The following TTC16 variants were observed in gnomAD, a reference collection of about 807,000 sequenced individuals.
The protein encoded by TTC16 is tetratricopeptide repeat protein 16.
TTC16 carries 66 observed loss-of-function variants against 80.4 expected under a neutral mutation model. That is an observed-to-expected ratio of 0.82 (90% CI 0.67 to 1.01). The LOEUF is 1.01. Ranked by LOEUF, TTC16 falls within the 50% of genes least tolerant of loss-of-function variation. TTC16 has a pLI of 0.00. For missense variants in TTC16, 1,070 were observed against 1,103.2 expected (o/e 0.97, Z 0.43); for synonymous variants, 438 against 451.3 (o/e 0.97, Z 0.37).
At position 127,731,105 on chromosome 9, in the gene TTC16, G is replaced by A. The variant is rs1844382180; in HGVS notation, c.2322G>A (p.Lys774=). 1.2e-6 allele frequency: 2 copies of A among 1,611,690 alleles called. No homozygotes were observed. The highest frequency in any genetic ancestry group is 2.7e-5 in the African/African-American group (2 of 74,882). ...TTRSPRQRPR[K]VKAARGRSWR... ...GGAGCCCAAGGCAGAGGCCCAGAAAGGTCAAGGCTGCTCGTGGCCGGAGCT... is the reference window on the plus strand; with the variant it reads ...GGAGCCCAAGGCAGAGGCCCAGAAAAGTCAAGGCTGCTCGTGGCCGGAGCT... Residue 774 remains lysine, a synonymous_variant, in exon 14 of 14, where the codon AAG becomes AAA. Transcript: ENST00000373289.
intron 10 of TTC16, among the ~76,000 whole-genome samples, chr9:127,726,660 C>T (rs375944225): frequency 6.6e-6 from 1 of 152,098 alleles, no homozygotes; most frequent in African/African-American, 2.4e-5. Context: ...TGGTGGTGCA[C>T]GGTTATAATT....
chr9:127,726,785 C>T (rs1001210299), intron 10 of TTC16, among the ~76,000 whole-genome samples, 185 bp from the exon 11 acceptor site: 2 of 98,336 alleles, frequency 2.0e-5, no homozygotes, highest in Admixed American at 1.3e-4. Context: ...GAGACTCTGT[C>T]TCAAAAAAAA....
Position 127,720,080 on chromosome 9 carries a change from A to T in TTC16, c.429A>T (p.Gly143=), listed in dbSNP as rs753882292. The change falls in exon 5 of 14, where the codon GGA becomes GGT. Residue 143 remains glycine (G), a splice_region_variant and synonymous_variant. Transcript: ENST00000373289. Reference sequence around the variant, plus strand: ...TTGACTGTCCCCTGTGTCCCCAGGGACAATGCCTTTTTGAGCAGTGTGCCT... The same window carrying T: ...TTGACTGTCCCCTGTGTCCCCAGGGTCAATGCCTTTTTGAGCAGTGTGCCT... ...ERLTFVLYLQ[G]QCLFEQCAFL... is the part of the protein sequence containing the mutation. The T allele has an allele frequency of 6.2e-7, 1 of 1,613,740 alleles. No homozygotes were observed. The highest frequency in any genetic ancestry group is 1.1e-5 in the South Asian group (1 of 91,080).
rs1032569594 is a variant in TTC16, at chr9:127,724,535, A to T, written c.1117+171A>T. The T allele has an allele frequency of 3.5e-6, 4 of 1,134,498 alleles. No individual in the cohort carries two copies. In the African/African-American group the frequency reaches 4.7e-5, roughly 13 times the overall value. 70.3% of individuals were successfully genotyped at this position (1,134,498 alleles called of 1,614,324 possible). On this transcript the variant is annotated intron_variant, in intron 8 of 13. Coordinates refer to ENST00000373289, the MANE Select transcript of TTC16 (RefSeq NM_144965.3). ...GTATCCCAGGAACACACTTTGGGAA[A>T]TGTTGCCTTAGACAAACTGGCTCCA...
Position 127,726,834 on chromosome 9 carries a change from C to G in TTC16, c.1426-136C>G, listed in dbSNP as rs878937765. 16 of 628,556 alleles carry G rather than the reference C, an allele frequency of 2.5e-5. No individual in the cohort carries two copies. In the Admixed American group the frequency reaches 2.7e-4, roughly 11 times the overall value. 38.9% of individuals were successfully genotyped at this position (628,556 alleles called of 1,614,324 possible). On this transcript the variant is annotated intron_variant, in intron 10 of 13. Coordinates refer to ENST00000373289, the MANE Select transcript of TTC16 (RefSeq NM_144965.3). ...AAAAAAAAAAAAACAAACAAGCAAACAAAAAACATTGCAAAACTCTTCCTT... is the reference window on the plus strand; with the variant it reads ...AAAAAAAAAAAAACAAACAAGCAAAGAAAAAACATTGCAAAACTCTTCCTT...
At chr9:127,724,556 C>A in intron 8 of TTC16, 192 bp downstream of exon 8, 1 of 1,070,154 alleles carries the variant, frequency 9.3e-7, no homozygotes, top group Non-Finnish European at 1.3e-6. Flanking sequence ...GACAAACTGG[C>A]TCCAGACTCC....
chr9:127,727,516 C>T (rs56231836), intron 12 of TTC16, 51 bp downstream of exon 12: 51 of 1,540,708 alleles, frequency 3.3e-5, no homozygotes, highest in African/African-American at 1.9e-4. Flanking sequence ...TGGGGCACAG[C>T]GTACCCCAGC....
Position 127,731,352 on chromosome 9 carries a change from A to G in TTC16, c.2569A>G (p.Ser857Gly), listed in dbSNP as rs1213474598. The stretch of plus-strand genomic sequence containing the variant: ...CGAGTCCACCTGGGGACCCAGCCCA[A>G]GTCTCAGCAAAACTGAGGTTGATCA... ...KAESTWGPSP[S>G]LSKTEVDQDL... Residue 857 changes from serine to glycine, a missense_variant, in exon 14 of 14, where the codon AGT becomes GGT. Coordinates refer to ENST00000373289, the MANE Select transcript of TTC16 (RefSeq NM_144965.3). 6.2e-7 allele frequency: 1 copy of G among 1,612,902 alleles called. No individual in the cohort carries two copies. The highest frequency in any genetic ancestry group is 8.5e-7 in the Non-Finnish European group (1 of 1,180,046).
In TTC16 at chr9:127,726,345, A is replaced by G; in HGVS notation, c.1366A>G (p.Ile456Val). The change falls in exon 10 of 14, where the codon ATT (isoleucine) becomes GTT (valine). Residue 456 changes from isoleucine (I) to valine (V), a missense_variant. Physicochemically the swap from Ile to Val is conservative, Grantham distance 29. Coordinates refer to ENST00000373289, the MANE Select transcript of TTC16 (RefSeq NM_144965.3). ...CAAGAGCCGGCAGCTGCTGCAGAAC[A>G]TTTTTGGGGCCCGCCAGGATGTGGC... is the stretch of plus-strand genomic sequence containing the variant. ...RAKSRQLLQN[I>V]FGARQDVATV... The G allele has an allele frequency of 6.2e-7, 1 of 1,612,194 alleles. No homozygotes were observed. Among genetic ancestry groups the G allele is most frequent in the Non-Finnish European group, 8.5e-7 (1 of 1,179,348 alleles).
At chr9:127,724,390 A>C in intron 8 of TTC16, 26 bp downstream of exon 8, 11 of 924,540 alleles carry the variant, frequency 1.2e-5, no homozygotes, top group East Asian at 7.7e-5. Context: ...GGCACTGGGG[A>C]GGGGGGGTGC....
intron 6 of TTC16, among the ~76,000 whole-genome samples, chr9:127,720,642 A>C (rs1843373354): frequency 6.6e-6 from 1 of 151,958 alleles, no homozygotes; most frequent in Non-Finnish European, 1.5e-5. Context: ...CATGGGAAGC[A>C]AAAGATGAGA....
Position 127,716,576 on chromosome 9 carries a change from TGG to T in TTC16, c.19-264_19-263del, listed in dbSNP as rs1564374286. 1.3e-5 allele frequency: 7 copies of T among 557,066 alleles called. No homozygotes were observed. In the East Asian group the frequency reaches 2.1e-4, roughly 17 times the overall value. 34.5% of individuals were successfully genotyped at this position (557,066 alleles called of 1,614,324 possible). ...CCGGAAGTGGGAGCTGGGAAGGCCCTGGGGGAGAACAGACGGTGTTGTAAGCA... is the reference window on the plus strand; with the variant it reads ...CCGGAAGTGGGAGCTGGGAAGGCCCTGGGAGAACAGACGGTGTTGTAAGCA... On this transcript the variant is annotated intron_variant, in intron 1 of 13. Coordinates refer to ENST00000373289, the MANE Select transcript of TTC16 (RefSeq NM_144965.3).
chr9:127,726,730 G>A (rs1426365976), intron 10 of TTC16, among the ~76,000 whole-genome samples: 1 of 145,650 alleles, frequency 6.9e-6, no homozygotes, highest in Admixed American at 7.4e-5. Context: ...AGAGGTTGCA[G>A]TGAGCCAAGT....
intron 13 of TTC16, 183 bp downstream of exon 13, chr9:127,729,851 G>A: frequency 1.7e-6 from 1 of 599,676 alleles, no homozygotes; most frequent in South Asian, 1.9e-5. Context: ...GACGAGGTGA[G>A]GCTTGCTCCA....
intron 1 of TTC16, chr9:127,716,478 C>G: frequency 1.8e-6 from 1 of 547,542 alleles, no homozygotes; most frequent in Non-Finnish European, 3.3e-6. Context: ...ACCCAAGGGA[C>G]TGTAGGACCC....
chr9:127,721,622 C>T (rs1484607297), intron 6 of TTC16, among the ~76,000 whole-genome samples: 3 of 152,140 alleles, frequency 2.0e-5, no homozygotes, highest in African/African-American at 7.2e-5. Context: ...GAGTGCAGTC[C>T]ACCCTGGCAA....
chr9:127,727,531 G>A, intron 12 of TTC16, 66 bp downstream of exon 12: 1 of 1,527,664 alleles, frequency 6.5e-7, no homozygotes, highest in South Asian at 1.2e-5. Flanking sequence ...CCCAGCCCAG[G>A]GCTGAAGGAT....
At position 127,722,186 on chromosome 9, in the gene TTC16, C is replaced by G. The variant is rs572964486; in HGVS notation, c.658-933C>G. On this transcript the variant is annotated intron_variant, in intron 6 of 13. Transcript: ENST00000373289. The surrounding 1 kb of genome is among the most constrained non-coding windows in gnomAD (Gnocchi z 4.2). ...TGGCATTGCCTGGAGCCCAAGGCTG[C>G]TTATGCCGAAGCCCTGCCCCTAGCT... is the stretch of plus-strand genomic sequence containing the variant. Among the ~76,000 whole-genome samples the G allele has an allele frequency of 3.3e-5, 5 of 152,168 alleles. No homozygotes were observed. The South Asian group carries it at 1.0e-3, about 31-fold the overall frequency.
chr9:127,723,953 C>T (rs1843695354), intron 7 of TTC16, among the ~76,000 whole-genome samples, 167 bp from the exon 8 acceptor site: 1 of 150,950 alleles, frequency 6.6e-6, no homozygotes, highest in East Asian at 1.9e-4. Flanking sequence ...GAGTAGCAGT[C>T]CAGAGCTGGC....
Sources: gnomAD v4.1 joint callset for allele counts (sites outside exome capture counted in the v4.1 genomes callset) on GRCh38, gnomAD v4.1.1 for gene constraint, Gnocchi (gnomAD v3.1) non-coding constraint, MANE v1.5 for transcripts, NCBI Gene and HGNC (gene_info 2026-07-23, HGNC 2026-07-21) for gene names.